Variants in CNTN4 observed in about 807,000 individuals in gnomAD.
CNTN4 encodes contactin 4, also known as contactin-4.
CNTN4 carries 77 observed loss-of-function variants against 122.5 expected under a neutral mutation model. The ratio of observed to expected loss-of-function variants is 0.63; its 90% CI spans 0.52 to 0.76. CNTN4 has a LOEUF of 0.76. CNTN4 is among the 30% of genes least tolerant of loss of function. The pLI is 0.00. For synonymous variants in CNTN4, 512 were observed against 447.0 expected, an observed-to-expected ratio of 1.15 and a Z score of -1.83; for missense variants, 1,256 against 1,259.1, an observed-to-expected ratio of 1.00 and a Z score of 0.04.
intron 3 of CNTN4, among the ~76,000 whole-genome samples, chr3:2,525,440 T>C (rs545722543): frequency 1.3e-5 from 2 of 152,252 alleles, no homozygotes; most frequent in African/African-American, 4.8e-5. Context: ...CAGTTGAAAA[T>C]ATTTTAAAGT....
At chr3:2,501,022 T>C (rs924373034) in intron 3 of CNTN4, among the ~76,000 whole-genome samples, 1 of 152,208 alleles carries the variant, frequency 6.6e-6, no homozygotes, top group African/African-American at 2.4e-5. Flanking sequence ...TTTATATCTT[T>C]CAGGTTCTTC....
intron 2 of CNTN4, among the ~76,000 whole-genome samples, chr3:2,336,739 G>A (rs2043970387): frequency 6.6e-6 from 1 of 152,124 alleles, no homozygotes; most frequent in Non-Finnish European, 1.5e-5. Flanking sequence ...AGGAAATGTG[G>A]CTGCCCCTCA....
At chr3:2,869,601 AT>A (rs1361427060) in intron 8 of CNTN4, among the ~76,000 whole-genome samples, 2 of 152,140 alleles carry the variant, frequency 1.3e-5, no homozygotes, top group African/African-American at 4.8e-5. Context: ...AACAGGAGGA[AT>A]TATTTGTTTT....
intron 4 of CNTN4, among the ~76,000 whole-genome samples, chr3:2,580,747 G>C (rs2079898041): frequency 6.6e-6 from 1 of 152,146 alleles, no homozygotes. Context: ...AATAGTAAGA[G>C]TAAAAAGTTA....
chr3:2,886,161 A>G (rs568455002), intron 9 of CNTN4, among the ~76,000 whole-genome samples: 1 of 152,304 alleles, frequency 6.6e-6, no homozygotes, highest in South Asian at 2.1e-4. Flanking sequence ...TTTGCCACAA[A>G]TGCACATGAA....
chr3:2,859,538 G>GTTT (rs34103613), intron 7 of CNTN4, among the ~76,000 whole-genome samples: 2 of 146,330 alleles, frequency 1.4e-5, no homozygotes, highest in Admixed American at 6.8e-5. Flanking sequence ...TGCTTTCCTG[G>GTTT]TTTTTTTTTT....
intron 2 of CNTN4, among the ~76,000 whole-genome samples, chr3:2,136,390 A>C (rs185108230): frequency 5.5e-4 from 84 of 152,326 alleles, no homozygotes; most frequent in African/African-American, 2.0e-3. Context: ...TTACTAAAAG[A>C]TACACTGAAT....
In CNTN4 at chr3:2,845,326, C is replaced by A. The variant is rs1473635146; in HGVS notation, c.455-21426C>A. On this transcript the variant is annotated intron_variant, in intron 7 of 24. Transcript: ENST00000418658. ...ACGTAGCTTATGTGAAAATAACAAC[C>A]CTAGTCCACTGTCAACTTTAAAAAT... Among the ~76,000 whole-genome samples, 3 of 151,878 alleles carry A rather than the reference C, an allele frequency of 2.0e-5. No homozygotes were observed. The East Asian group carries it at 5.8e-4, about 29-fold the overall frequency.
intron 3 of CNTN4, among the ~76,000 whole-genome samples, chr3:2,497,198 G>A (rs2076475660): frequency 6.6e-6 from 1 of 152,070 alleles, no homozygotes; most frequent in South Asian, 2.1e-4. Flanking sequence ...GTATTTCACT[G>A]TGTTCCTCTG....
At chr3:2,828,188 T>C (rs2093028200) in intron 7 of CNTN4, among the ~76,000 whole-genome samples, 1 of 152,106 alleles carries the variant, frequency 6.6e-6, no homozygotes, top group Admixed American at 6.6e-5. Context: ...ATCCTAGTTT[T>C]AAAAACACAC....
At chr3:2,183,834 G>A (rs1345765733) in intron 2 of CNTN4, among the ~76,000 whole-genome samples, 1 of 152,050 alleles carries the variant, frequency 6.6e-6, no homozygotes, top group Admixed American at 6.6e-5. Flanking sequence ...TACCCCAAAT[G>A]TGTCAGAAAT....
intron 5 of CNTN4, among the ~76,000 whole-genome samples, chr3:2,741,989 T>G (rs980409809): frequency 6.6e-6 from 1 of 152,240 alleles, no homozygotes; most frequent in African/African-American, 2.4e-5. Flanking sequence ...CCTTTGGCAG[T>G]GTCTCTGTAA....
At chr3:2,992,954 G>A (rs577405383) in intron 14 of CNTN4, among the ~76,000 whole-genome samples, 1 of 152,108 alleles carries the variant, frequency 6.6e-6, no homozygotes, top group Non-Finnish European at 1.5e-5. Context: ...CTAGGGAGGA[G>A]GCCTGGAAAA....
intron 3 of CNTN4, among the ~76,000 whole-genome samples, chr3:2,473,973 C>A (rs1199691193): frequency 6.6e-6 from 1 of 151,528 alleles, no homozygotes; most frequent in East Asian, 1.9e-4. Context: ...AAGATCACGC[C>A]ACTGCACTCC....
At chr3:2,229,611 G>C (rs919435798) in intron 2 of CNTN4, among the ~76,000 whole-genome samples, 1 of 152,056 alleles carries the variant, frequency 6.6e-6, no homozygotes, top group African/African-American at 2.4e-5. Context: ...ATAATATCTT[G>C]AGGGCAGAGC....
intron 4 of CNTN4, among the ~76,000 whole-genome samples, chr3:2,656,659 CA>C (rs2083603690): frequency 6.6e-6 from 1 of 152,210 alleles, no homozygotes; most frequent in South Asian, 2.1e-4. Flanking sequence ...GGTCAAGTCT[CA>C]AAAGGGAGGT....
chr3:2,419,407 T>C (rs1287416410), intron 3 of CNTN4, among the ~76,000 whole-genome samples: 1 of 152,224 alleles, frequency 6.6e-6, no homozygotes, highest in East Asian at 1.9e-4. Context: ...CCTCTGGAGA[T>C]TCTCATGTGT....
chr3:2,329,790 T>G (rs1054481242), intron 2 of CNTN4, among the ~76,000 whole-genome samples: 97 of 152,314 alleles, frequency 6.4e-4, no homozygotes, highest in African/African-American at 2.1e-3. Flanking sequence ...TAAAAGCACT[T>G]AATAAGCATT....
intron 14 of CNTN4, among the ~76,000 whole-genome samples, chr3:2,992,733 G>A (rs1577537588): frequency 6.6e-6 from 1 of 152,290 alleles, no homozygotes; most frequent in South Asian, 2.1e-4. Flanking sequence ...GTATGCTGTG[G>A]ATGCTGTTAA....
Sources: allele counts gnomAD v4.1 joint callset (sites outside exome capture counted in the v4.1 genomes callset), GRCh38; gene constraint gnomAD v4.1.1; transcripts MANE v1.5; gene names NCBI Gene and HGNC (gene_info 2026-07-23, HGNC 2026-07-21).